Variants in VTI1A observed in about 807,000 individuals in gnomAD.
The protein encoded by VTI1A is vesicle transport through interaction with t-SNAREs homolog 1A.
A neutral mutation model predicts 34.9 loss-of-function variants in VTI1A; 22 were observed. The ratio of observed to expected loss-of-function variants is 0.63; its 90% CI spans 0.45 to 0.90. The LOEUF (loss-of-function observed/expected upper bound fraction) is 0.90, where lower values mean the gene tolerates loss of function less well. VTI1A is among the 40% of genes least tolerant of loss of function. The probability of loss-of-function intolerance (pLI) is 0.00; values close to 1 mark genes in which losing one functional copy is unlikely to be tolerated. For synonymous variants in VTI1A, 87 were observed against 97.3 expected (o/e 0.89, Z 0.62); for missense variants, 268 against 275.6 (o/e 0.97, Z 0.20).
chr10:112,704,680 A>G (rs556997551), intron 7 of VTI1A, among the ~76,000 whole-genome samples: 12 of 152,306 alleles, frequency 7.9e-5, no homozygotes, highest in Non-Finnish European at 1.6e-4. Context: ...TTTGTTATGT[A>G]TATTATTTAG....
chr10:112,554,472 G>C (rs1306541637), intron 5 of VTI1A, among the ~76,000 whole-genome samples: 3 of 152,092 alleles, frequency 2.0e-5, no homozygotes, highest in African/African-American at 7.2e-5. Context: ...GTGATAATGG[G>C]GGAAACTGGA....
At chr10:112,462,901 TTTATTTATTTA>T (rs1847774780) in intron 2 of VTI1A, among the ~76,000 whole-genome samples, 1 of 71,564 alleles carries the variant, frequency 1.4e-5, no homozygotes, top group Non-Finnish European at 2.7e-5. Flanking sequence ...CTGGTTTTTA[TTTATTTATTTA>T]TTTATTTATT....
intron 7 of VTI1A, among the ~76,000 whole-genome samples, chr10:112,810,157 C>G (rs1356772251): frequency 6.6e-6 from 1 of 151,640 alleles, no homozygotes; most frequent in East Asian, 1.9e-4. Flanking sequence ...AATCCCAGCA[C>G]TTTGGGAGGC....
chr10:112,634,506 CACACACAT>C (rs1266151848), intron 5 of VTI1A, among the ~76,000 whole-genome samples: 9 of 84,218 alleles, frequency 1.1e-4, no homozygotes, highest in East Asian at 3.5e-4. Context: ...CACAGACACA[CACACACAT>C]ACACACACAC....
In VTI1A at chr10:112,564,579, G is replaced by C. The variant is rs144413020; in HGVS notation, c.427+26249G>C. 3.1e-3 allele frequency among the ~76,000 whole-genome samples: 478 copies of C among 152,178 alleles called. 2 individuals are homozygous for C. The highest frequency in any genetic ancestry group is 0.011 in the African/African-American group (468 of 41,548). ...CTTCTTCCTTGTTTAAACAGCTTAA[G>C]TAAATTTACAGGGTTACCCCCCTTT... On this transcript the variant is annotated intron_variant, in intron 5 of 7. Coordinates refer to ENST00000393077, the MANE Select transcript of VTI1A (RefSeq NM_145206.4).
At chr10:112,471,776 T>A (rs1269928058) in intron 3 of VTI1A, among the ~76,000 whole-genome samples, 1 of 151,620 alleles carries the variant, frequency 6.6e-6, no homozygotes, top group Non-Finnish European at 1.5e-5. Context: ...GTCAGAATGT[T>A]CCAGGAAAAT....
At chr10:112,681,963 A>C (rs1316649040) in intron 7 of VTI1A, among the ~76,000 whole-genome samples, 1 of 152,174 alleles carries the variant, frequency 6.6e-6, no homozygotes, top group African/African-American at 2.4e-5. Context: ...GCTTATAGAA[A>C]TTTAGTTATT....
intron 3 of VTI1A, among the ~76,000 whole-genome samples, chr10:112,515,270 A>G (rs1012716433): frequency 6.6e-6 from 1 of 152,106 alleles, no homozygotes; most frequent in African/African-American, 2.4e-5. Context: ...TATGGCTTAT[A>G]GAAAGGGAAC....
intron 7 of VTI1A, among the ~76,000 whole-genome samples, chr10:112,776,253 A>G (rs186969833): frequency 4.6e-5 from 7 of 152,306 alleles, no homozygotes; most frequent in Admixed American, 3.9e-4. Context: ...GCTGAGGACT[A>G]TTTGAAAGCT....
chr10:112,739,504 T>C (rs935632211), intron 7 of VTI1A, among the ~76,000 whole-genome samples: 4 of 152,236 alleles, frequency 2.6e-5, no homozygotes, highest in African/African-American at 9.6e-5. Flanking sequence ...TGCTCTTCCA[T>C]GTTAAGAGAC....
At chr10:112,474,313 A>G (rs548046463) in intron 3 of VTI1A, among the ~76,000 whole-genome samples, 1 of 152,196 alleles carries the variant, frequency 6.6e-6, no homozygotes, top group East Asian at 1.9e-4. Context: ...TTGGCCTCCC[A>G]AAGTGCTGGG....
intron 3 of VTI1A, among the ~76,000 whole-genome samples, chr10:112,518,557 C>G (rs1164312210): frequency 4.3e-5 from 1 of 23,162 alleles, no homozygotes; most frequent in Non-Finnish European, 7.0e-5. Context: ...TTCTCTCTCT[C>G]TCTCTCTCTC....
intron 7 of VTI1A, among the ~76,000 whole-genome samples, chr10:112,714,068 T>C (rs1418054730): frequency 6.6e-6 from 1 of 152,170 alleles, no homozygotes; most frequent in Non-Finnish European, 1.5e-5. Context: ...ATCCAGGCCA[T>C]TCTGTTTCAG....
At chr10:112,826,990 C>T in the VTI1A span, 1 of 152,206 alleles carries the variant, frequency 6.6e-6, no homozygotes, top group African/African-American at 2.4e-5. Flanking sequence ...TCGATAGTGT[C>T]ATTTCAGGAT....
intron 7 of VTI1A, among the ~76,000 whole-genome samples, chr10:112,802,593 T>C (rs556334332): frequency 1.3e-5 from 2 of 152,334 alleles, no homozygotes; most frequent in African/African-American, 4.8e-5. Flanking sequence ...CTGCCATGGC[T>C]GCAGCTGTCC....
At chr10:112,692,120 A>G (rs1188756833) in intron 7 of VTI1A, among the ~76,000 whole-genome samples, 1 of 152,252 alleles carries the variant, frequency 6.6e-6, no homozygotes, top group Admixed American at 6.5e-5. Flanking sequence ...CACCTCTGAA[A>G]TGTATATTCC....
the VTI1A span, among the ~76,000 whole-genome samples, chr10:112,847,100 C>T: frequency 6.6e-6 from 1 of 152,308 alleles, no homozygotes; most frequent in East Asian, 1.9e-4. Context: ...GGGTTGGCTC[C>T]TGCTGTCACC....
intron 7 of VTI1A, among the ~76,000 whole-genome samples, chr10:112,777,096 G>T (rs1010570283): frequency 6.6e-6 from 1 of 152,072 alleles, no homozygotes; most frequent in Non-Finnish European, 1.5e-5. Flanking sequence ...AGTTCACTAC[G>T]CTGACTTTTA....
chr10:112,774,666 T>A (rs1851906126), intron 7 of VTI1A, among the ~76,000 whole-genome samples: 1 of 152,042 alleles, frequency 6.6e-6, no homozygotes, highest in African/African-American at 2.4e-5. Flanking sequence ...TAACAGAAAG[T>A]ACATGGGCCT....
Sources: gnomAD v4.1 joint callset for allele counts (sites outside exome capture counted in the v4.1 genomes callset) on GRCh38, gnomAD v4.1.1 for gene constraint, MANE v1.5 for transcripts, NCBI Gene and HGNC (gene_info 2026-07-23, HGNC 2026-07-21) for gene names.